PPP4R2: variants seen among roughly 807,000 people sequenced by gnomAD.
The protein encoded by PPP4R2 is serine/threonine-protein phosphatase 4 regulatory subunit 2.
In PPP4R2, 13 loss-of-function variants were observed where a neutral mutation model predicts 47.2. That is an observed-to-expected ratio of 0.28 (90% CI 0.18 to 0.44). PPP4R2 has a LOEUF of 0.44. Ranked by LOEUF, PPP4R2 falls within the 20% of genes least tolerant of loss-of-function variation. The pLI, the probability that PPP4R2 is intolerant of heterozygous loss-of-function variation, is 1.00. For synonymous variants in PPP4R2, 151 were observed against 163.3 expected (o/e 0.92, Z 0.57); for missense variants, 421 against 491.2 (o/e 0.86, Z 1.35).
At position 73,027,923 on chromosome 3, in the gene PPP4R2, T is replaced by TA. The variant is rs933495068; in HGVS notation, c.117-19262dup. ...GTTAAAAAAAACTTTTTTTTTTTTT[T>TA]ATGAGTGAATAGGTAGTTGGATTTT... On this transcript the variant is annotated intron_variant, in intron 2 of 8. Coordinates refer to ENST00000356692, the MANE Select transcript of PPP4R2 (RefSeq NM_174907.4). 5 of 150,126 alleles carry TA rather than the reference T, an allele frequency of 3.3e-5. No individual in the cohort carries two copies. The East Asian group carries it at 5.9e-4, about 18-fold the overall frequency. The allele number at this position is 150,126 out of a possible 1,614,324, so 9.3% of individuals were successfully genotyped here.
chr3:73,007,094 G>A (rs185667188), intron 2 of PPP4R2, among the ~76,000 whole-genome samples: 123 of 152,262 alleles, frequency 8.1e-4, no homozygotes, highest in Non-Finnish European at 1.2e-3. Context: ...CTGCTTTTTA[G>A]GAAAACTTTT....
chr3:73,047,291 T>C lies in PPP4R2; in HGVS notation c.222T>C (p.Asn74=), dbSNP rs3207736. The change falls in exon 3 of 9, where the codon AAT becomes AAC. Residue 74 remains asparagine, a synonymous_variant. Transcript: ENST00000356692. ...APEPRGPPNP[N]VEYIPFDEMK... Reference sequence around the variant, plus strand: ...AGCCAAGAGGTCCTCCCAACCCTAATGTCGAATATATTCCCTTTGATGAAA... The same window carrying C: ...AGCCAAGAGGTCCTCCCAACCCTAACGTCGAATATATTCCCTTTGATGAAA... 21 of 1,612,430 alleles carry C rather than the reference T, an allele frequency of 1.3e-5. No individual in the cohort carries two copies. In the African/African-American group the frequency reaches 1.9e-4, roughly 14 times the overall value.
At chr3:73,059,198 T>A in intron 4 of PPP4R2, 68 bp downstream of exon 4, 1 of 781,380 alleles carries the variant, frequency 1.3e-6, no homozygotes, top group Non-Finnish European at 2.1e-6. Flanking sequence ...AAAAGAACAT[T>A]GAGTAAGATC....
At chr3:73,052,724 A>G (rs141990013) in intron 3 of PPP4R2, among the ~76,000 whole-genome samples, 1 of 152,334 alleles carries the variant, frequency 6.6e-6, no homozygotes, top group African/African-American at 2.4e-5. Context: ...CTTTCTTGTC[A>G]TTGCTGTTAC....
chr3:73,032,566 C>G (rs1241731958), intron 2 of PPP4R2, among the ~76,000 whole-genome samples: 1 of 152,168 alleles, frequency 6.6e-6, no homozygotes. Flanking sequence ...GGATTACAGG[C>G]GTGAGCCACC....
intron 2 of PPP4R2, among the ~76,000 whole-genome samples, chr3:73,025,611 C>T (rs1702048640): frequency 6.6e-6 from 1 of 152,046 alleles, no homozygotes; most frequent in African/African-American, 2.4e-5. Context: ...TTTAGCAGTG[C>T]ATCATGGTGC....
At chr3:73,002,634 C>CT (rs1173734970) in intron 2 of PPP4R2, among the ~76,000 whole-genome samples, 1,037 of 41,214 alleles carry the variant, frequency 0.025, 62 homozygotes, top group Middle Eastern at 0.1. Flanking sequence ...CTTTTCTTTT[C>CT]TTTTTTTTTT....
chr3:73,042,044 A>AG, intron 2 of PPP4R2, among the ~76,000 whole-genome samples: 1 of 152,188 alleles, frequency 6.6e-6, no homozygotes, highest in African/African-American at 2.4e-5. Flanking sequence ...AAGGAAGTGA[A>AG]GGGAGGTGAA....
chr3:73,031,119 T>G (rs879772379), intron 2 of PPP4R2, among the ~76,000 whole-genome samples: 7 of 152,058 alleles, frequency 4.6e-5, no homozygotes, highest in Non-Finnish European at 7.4e-5. Flanking sequence ...GAGTCAAAAT[T>G]TTTGGAGTAA....
intron 2 of PPP4R2, among the ~76,000 whole-genome samples, chr3:73,039,209 G>T (rs758229087): frequency 2.0e-5 from 3 of 151,930 alleles, no homozygotes; most frequent in Admixed American, 6.6e-5. Flanking sequence ...CTGCAACCTC[G>T]GCCTCCCAGG....
At chr3:73,034,337 T>C (rs1028034934) in intron 2 of PPP4R2, among the ~76,000 whole-genome samples, 8 of 152,156 alleles carry the variant, frequency 5.3e-5, no homozygotes, top group Non-Finnish European at 1.0e-4. Context: ...AATCTATAGT[T>C]TTTGTGTGTG....
chr3:73,061,812 C>G (rs939043355), intron 5 of PPP4R2: 1 of 363,296 alleles, frequency 2.8e-6, no homozygotes, highest in Non-Finnish European at 5.0e-6. Context: ...ATCCTCCCGC[C>G]TTGGCCTTCC....
intron 2 of PPP4R2, among the ~76,000 whole-genome samples, chr3:73,008,030 C>G (rs1370998957): frequency 2.0e-5 from 3 of 150,362 alleles, no homozygotes; most frequent in African/African-American, 7.4e-5. Context: ...CCCTCAACCC[C>G]CAGCCCCCAC....
intron 2 of PPP4R2, among the ~76,000 whole-genome samples, chr3:73,042,373 T>C (rs1278623680): frequency 1.4e-5 from 2 of 144,884 alleles, no homozygotes; most frequent in African/African-American, 2.5e-5. Context: ...TTTTTTTTTT[T>C]TTTTTTTTTG....
Position 73,065,929 on chromosome 3 carries a change from TTTTC to T in PPP4R2, c.*219_*222del, listed in dbSNP as rs1288047455. On this transcript the variant is annotated 3_prime_UTR_variant, in exon 9 of 9. Transcript: ENST00000356692. The stretch of plus-strand genomic sequence containing the variant: ...GGGTCCTGCTTACCTTACCGCTGAC[TTTTC>T]TTTCTTTCTTTTTTTGGTCTGGGCA... 12 of 351,230 alleles carry T rather than the reference TTTTC, an allele frequency of 3.4e-5. No individual in the cohort carries two copies. The highest frequency in any genetic ancestry group is 2.5e-4 in the South Asian group (2 of 7,974). 21.8% of individuals were successfully genotyped at this position (351,230 alleles called of 1,614,324 possible). A position where few individuals can be genotyped will look rare whatever the true frequency, so the allele number is the denominator to read the frequency against.
In PPP4R2 at chr3:73,065,010, G is replaced by T. The variant is rs1575895239; in HGVS notation, c.797G>T (p.Ser266Ile). The stretch of plus-strand genomic sequence containing the variant: ...GAAACAGCCAGTCAAACGACTTCCA[G>T]CGAAATTTCTTCAGTTATGGTAGGA... ...VRETASQTTS[S>I]EISSVMVGET... The change falls in exon 8 of 9, where the codon AGC (serine) becomes ATC (isoleucine). Residue 266 changes from serine to isoleucine, a missense_variant. Coordinates refer to ENST00000356692, the MANE Select transcript of PPP4R2 (RefSeq NM_174907.4). The T allele has an allele frequency of 6.2e-7, 1 of 1,613,756 alleles. No homozygotes were observed. Among genetic ancestry groups the T allele is most frequent in the Admixed American group, 1.7e-5 (1 of 59,988 alleles).
chr3:73,051,072 A>G (rs138757456), intron 3 of PPP4R2, among the ~76,000 whole-genome samples: 1,687 of 151,814 alleles, frequency 0.011, 20 homozygotes, highest in Middle Eastern at 0.048. Flanking sequence ...GCGCCACCAC[A>G]CCCGGCTAAT....
chr3:72,998,552 TGTC>T (rs1405001361), intron 2 of PPP4R2, among the ~76,000 whole-genome samples: 1 of 152,230 alleles, frequency 6.6e-6, no homozygotes, highest in Non-Finnish European at 1.5e-5. Context: ...TTTCTCATAT[TGTC>T]GTGTGTCCAG....
intron 2 of PPP4R2, among the ~76,000 whole-genome samples, chr3:73,022,550 T>G (rs1701981252): frequency 6.6e-6 from 1 of 152,316 alleles, no homozygotes; most frequent in Middle Eastern, 3.4e-3. Context: ...TTAAATTTTT[T>G]CCTTTAGAAT....
Sources: gnomAD v4.1 joint callset for allele counts (sites outside exome capture counted in the v4.1 genomes callset) on GRCh38, gnomAD v4.1.1 for gene constraint, MANE v1.5 for transcripts, NCBI Gene and HGNC (gene_info 2026-07-23, HGNC 2026-07-21) for gene names.